Variants in SEM1 observed in about 807,000 individuals in gnomAD.
The protein encoded by SEM1 is 26S proteasome complex subunit SEM1.
Under a neutral mutation model 12.7 loss-of-function variants are expected in SEM1, and 3 were observed. That is an observed-to-expected ratio of 0.24 (90% CI 0.11 to 0.61). The LOEUF is 0.61. Among genes scored for constraint, SEM1 ranks in the 20% least tolerant of loss-of-function variants. The pLI is 0.88. For missense variants in SEM1, 59 were observed against 81.3 expected (o/e 0.73, Z 1.06); for synonymous variants, 30 against 27.8 (o/e 1.08, Z -0.25).
intron 2 of SEM1, among the ~76,000 whole-genome samples, chr7:96,588,714 C>A (rs957228772): frequency 6.6e-6 from 1 of 152,014 alleles, no homozygotes; most frequent in African/African-American, 2.4e-5. Context: ...TGCAGTGAGC[C>A]GTGATTACAC....
intron 2 of SEM1, among the ~76,000 whole-genome samples, chr7:96,628,750 G>A (rs1012229829): frequency 3.9e-5 from 6 of 152,088 alleles, no homozygotes; most frequent in South Asian, 2.1e-4. Flanking sequence ...TGTAGCTTCC[G>A]ATGATTTTAT....
chr7:96,607,012 T>A (rs1807400620), intron 2 of SEM1, among the ~76,000 whole-genome samples: 1 of 152,222 alleles, frequency 6.6e-6, no homozygotes, highest in African/African-American at 2.4e-5. Flanking sequence ...GATCTGGCAC[T>A]AATTTATGGT....
intron 1 of SEM1, chr7:96,695,420 T>A (rs868800513): frequency 6.6e-6 from 1 of 151,950 alleles, no homozygotes; most frequent in Admixed American, 6.6e-5. Flanking sequence ...TATTGTAGTT[T>A]TTAGTTTTCT....
chr7:96,588,079 A>C (rs150432619), intron 2 of SEM1, among the ~76,000 whole-genome samples: 68 of 152,286 alleles, frequency 4.5e-4, no homozygotes, highest in African/African-American at 1.6e-3. Context: ...CCAACTAAGA[A>C]GAAAGGTGGC....
intron 2 of SEM1, among the ~76,000 whole-genome samples, chr7:96,531,416 AAAAAAAAAACAAC>A (rs1383401092): frequency 6.9e-5 from 10 of 145,108 alleles, no homozygotes; most frequent in African/African-American, 2.2e-4. Context: ...AAAAAATATA[AAAAAAAAAACAAC>A]AAAAAAAAAC....
intron 1 of SEM1, among the ~76,000 whole-genome samples, chr7:96,493,905 A>G (rs1803129148): frequency 6.6e-6 from 1 of 152,064 alleles, no homozygotes; most frequent in South Asian, 2.1e-4. Context: ...TTTATTTCCT[A>G]CATTTTTTAG....
chr7:96,664,880 A>T (rs540884901), intron 2 of SEM1, among the ~76,000 whole-genome samples: 161 of 152,304 alleles, frequency 1.1e-3, no homozygotes, highest in African/African-American at 3.8e-3. Context: ...TAATGAATAA[A>T]CCACAGATAC....
intron 2 of SEM1, among the ~76,000 whole-genome samples, chr7:96,508,945 T>C (rs948218389): frequency 1.3e-5 from 2 of 151,980 alleles, no homozygotes; most frequent in African/African-American, 4.8e-5. Context: ...GATTTGATTA[T>C]GAATCTATTT....
intron 2 of SEM1, among the ~76,000 whole-genome samples, chr7:96,511,368 C>T (rs1454975476): frequency 6.6e-6 from 1 of 152,036 alleles, no homozygotes; most frequent in African/African-American, 2.4e-5. Context: ...GAGAGGTATA[C>T]AATTTAATAA....
At chr7:96,691,175 G>C (rs1177935344) in intron 2 of SEM1, among the ~76,000 whole-genome samples, 2 of 152,090 alleles carry the variant, frequency 1.3e-5, no homozygotes, top group African/African-American at 4.8e-5. Context: ...ATCAGAAGCT[G>C]CAAAATCAGA....
At chr7:96,687,029 G>A (rs574564708), downstream of SEM1, among the ~76,000 whole-genome samples, 11 of 152,198 alleles carry the variant, frequency 7.2e-5, no homozygotes, top group South Asian at 2.1e-4. Flanking sequence ...AAAGACACAC[G>A]AAAAAATGCT....
chr7:96,694,709 C>T, intron 2 of SEM1, 89 bp downstream of exon 2: 2 of 845,222 alleles, frequency 2.4e-6, no homozygotes, highest in South Asian at 1.7e-5. Flanking sequence ...GATTAAGTAG[C>T]TTTTAAGAGG....
intron 2 of SEM1, among the ~76,000 whole-genome samples, chr7:96,527,259 A>T (rs986730982): frequency 6.6e-6 from 1 of 152,132 alleles, no homozygotes; most frequent in Non-Finnish European, 1.5e-5. Context: ...TAACACAATG[A>T]CACGTGACTT....
rs576655738 is a variant in SEM1, at chr7:96,614,321, T to A, written c.170+80477A>T. Among the ~76,000 whole-genome samples, 5 of 152,340 alleles carry A rather than the reference T, an allele frequency of 3.3e-5. No homozygotes were observed. In the South Asian group the frequency reaches 1.0e-3, roughly 32 times the overall value. ...TAAATTTCGGTTTGTAGTTTCACCT[T>A]GAATAGAAAGTGTTTTTATTGTTTT... On this transcript the variant is annotated intron_variant and NMD_transcript_variant, in intron 2 of 3. Coordinates refer to the SEM1 transcript ENST00000466986.
chr7:96,623,567 A>G (rs1306542200), intron 2 of SEM1, among the ~76,000 whole-genome samples: 1 of 148,052 alleles, frequency 6.8e-6, no homozygotes, highest in Non-Finnish European at 1.5e-5. Context: ...TATATAAAAT[A>G]TGTACTTGTT....
At chr7:96,515,913 A>C (rs1804080417) in intron 2 of SEM1, among the ~76,000 whole-genome samples, 1 of 152,082 alleles carries the variant, frequency 6.6e-6, no homozygotes. Flanking sequence ...CATTAGGAGA[A>C]ATACCTAATG....
downstream of SEM1, among the ~76,000 whole-genome samples, chr7:96,687,221 A>C (rs1400141267): frequency 1.3e-5 from 2 of 152,224 alleles, no homozygotes; most frequent in East Asian, 3.9e-4. Flanking sequence ...TGTGGAAGTC[A>C]GTGTGGCGAT....
chr7:96,626,314 T>A (rs1012587994), intron 2 of SEM1, among the ~76,000 whole-genome samples: 2 of 152,186 alleles, frequency 1.3e-5, no homozygotes. Context: ...CTTAACATAA[T>A]GACCTCCAGT....
chr7:96,615,088 T>C (rs1331878768), intron 2 of SEM1, among the ~76,000 whole-genome samples: 1 of 152,166 alleles, frequency 6.6e-6, no homozygotes, highest in Non-Finnish European at 1.5e-5. Context: ...GAATTGAGTA[T>C]TAACTAAGAC....
Sources: gnomAD v4.1 joint callset for allele counts (sites outside exome capture counted in the v4.1 genomes callset) on GRCh38, gnomAD v4.1.1 for gene constraint, MANE v1.5 for transcripts, NCBI Gene and HGNC (gene_info 2026-07-23, HGNC 2026-07-21) for gene names.